The following FAM149A variants were observed in gnomAD, a reference collection of about 807,000 sequenced individuals.
FAM149A encodes protein FAM149A.
Under a neutral mutation model 78.2 loss-of-function variants are expected in FAM149A, and 71 were observed. The observed-to-expected ratio is 0.91, with a 90% CI of 0.75 to 1.11. The LOEUF (loss-of-function observed/expected upper bound fraction) is 1.11, where lower values mean the gene tolerates loss of function less well. FAM149A is among the 50% of genes least tolerant of loss of function. The pLI is 0.00. For synonymous variants in FAM149A, 446 were observed against 410.5 expected, an observed-to-expected ratio of 1.09 and a Z score of -1.04; for missense variants, 1,036 against 971.0, an observed-to-expected ratio of 1.07 and a Z score of -0.89.
At position 186,111,476 on chromosome 4, in the gene FAM149A, A is replaced by T. The variant is rs1186109178; in HGVS notation, c.566+5834A>T. 1.9e-3 allele frequency among the ~76,000 whole-genome samples: 292 copies of T among 150,832 alleles called. 1 individual carries two copies. The highest frequency in any genetic ancestry group is 6.8e-3 in the African/African-American group (274 of 40,186). ...TGGACATGAAGTCCTTGCCCATGCC[A>T]ATGTCCTGAATGGTAATACCTAGGT... On this transcript the variant is annotated intron_variant, in intron 1 of 13. Coordinates refer to ENST00000389354, the MANE Select transcript of FAM149A (RefSeq NM_001367768.3).
chr4:186,106,842 A>G (rs1237672134), intron 1 of FAM149A, among the ~76,000 whole-genome samples: 1 of 152,046 alleles, frequency 6.6e-6, no homozygotes, highest in Non-Finnish European at 1.5e-5. Context: ...AGCTACTCGG[A>G]AGGCTGAGGC....
chr4:186,171,619 T>C (rs962795917), intron 13 of FAM149A, among the ~76,000 whole-genome samples: 1 of 152,122 alleles, frequency 6.6e-6, no homozygotes, highest in Non-Finnish European at 1.5e-5. Flanking sequence ...CAGGAAGTAG[T>C]GCTCCCTCAG....
intron 1 of FAM149A, among the ~76,000 whole-genome samples, chr4:186,137,176 A>G (rs1413277920): frequency 6.6e-6 from 1 of 152,188 alleles, no homozygotes; most frequent in Admixed American, 6.5e-5. Context: ...TTGAAAGCTA[A>G]ACTTTTAAAG....
At chr4:186,135,423 GGT>G (rs1358245550) in intron 1 of FAM149A, among the ~76,000 whole-genome samples, 1 of 152,088 alleles carries the variant, frequency 6.6e-6, no homozygotes, top group Non-Finnish European at 1.5e-5. Flanking sequence ...TGGTAGTCAT[GGT>G]CTGTGAAGTC....
intron 1 of FAM149A, among the ~76,000 whole-genome samples, chr4:186,132,741 A>G (rs2099321235): frequency 6.6e-6 from 1 of 152,184 alleles, no homozygotes; most frequent in African/African-American, 2.4e-5. Flanking sequence ...AGGTGAACAT[A>G]GGCTAGCCAC....
chr4:186,131,145 C>G (rs1230424550), intron 1 of FAM149A, among the ~76,000 whole-genome samples: 1 of 151,962 alleles, frequency 6.6e-6, no homozygotes, highest in African/African-American at 2.4e-5. Context: ...GTCAAGAGTT[C>G]GAGACCAGAC....
chr4:186,117,730 G>C (rs2099314325), intron 1 of FAM149A: 1 of 913,982 alleles, frequency 1.1e-6, no homozygotes, highest in Non-Finnish European at 1.3e-6. Flanking sequence ...TTTAGGTAGA[G>C]AAGTGGCAGG....
intron 8 of FAM149A, among the ~76,000 whole-genome samples, chr4:186,159,499 T>C (rs1734338895): frequency 6.6e-6 from 1 of 152,044 alleles, no homozygotes; most frequent in African/African-American, 2.4e-5. Context: ...AACTGCAGCA[T>C]AGTGGCAAGA....
At chr4:186,157,376 C>A (rs1320361291) in intron 7 of FAM149A, among the ~76,000 whole-genome samples, 189 bp from the exon 8 acceptor site, 1 of 152,242 alleles carries the variant, frequency 6.6e-6, no homozygotes, top group Non-Finnish European at 1.5e-5. Context: ...CTTCTCCAAG[C>A]CCTGCAACCA....
At chr4:186,118,605 A>T (rs1268533559) in intron 1 of FAM149A, among the ~76,000 whole-genome samples, 2 of 152,210 alleles carry the variant, frequency 1.3e-5, no homozygotes, top group African/African-American at 4.8e-5. Context: ...CCTTTAGACC[A>T]CACTCAGCAA....
At chr4:186,155,542 A>C (rs1014765909) in intron 6 of FAM149A, among the ~76,000 whole-genome samples, 1 of 152,240 alleles carries the variant, frequency 6.6e-6, no homozygotes. Context: ...AAATCAAAAA[A>C]TATAATGAGA....
chr4:186,117,541 ACC>A, intron 1 of FAM149A: 1 of 985,450 alleles, frequency 1.0e-6, no homozygotes, highest in Non-Finnish European at 1.2e-6. Context: ...GCACATGGAC[ACC>A]TGGGGCTTGG....
At chr4:186,146,815 CTA>C (rs2126442559) in intron 1 of FAM149A, 3 of 985,310 alleles carry the variant, frequency 3.0e-6, no homozygotes, top group Non-Finnish European at 3.6e-6. Context: ...CGATGTAATC[CTA>C]TGTTTCAGGC....
intron 1 of FAM149A, chr4:186,123,209 A>G (rs913676933): frequency 2.0e-6 from 2 of 985,172 alleles, no homozygotes; most frequent in African/African-American, 3.5e-5. Flanking sequence ...CTGAGTTTTC[A>G]AAGGATGTCC....
intron 7 of FAM149A, among the ~76,000 whole-genome samples, chr4:186,157,264 C>T (rs186146938): frequency 2.5e-4 from 38 of 152,306 alleles, no homozygotes; most frequent in African/African-American, 8.4e-4. Flanking sequence ...TACAATAAGG[C>T]AATAATCACG....
At chr4:186,124,734 G>A (rs867400161) in intron 1 of FAM149A, among the ~76,000 whole-genome samples, 63 of 152,262 alleles carry the variant, frequency 4.1e-4, no homozygotes, top group African/African-American at 1.4e-3. Flanking sequence ...ACGTGTGCAC[G>A]TGTCTTTATA....
chr4:186,142,083 C>T (rs1193756737), intron 1 of FAM149A, among the ~76,000 whole-genome samples: 1 of 152,080 alleles, frequency 6.6e-6, no homozygotes, highest in Non-Finnish European at 1.5e-5. Flanking sequence ...GAGGAAGTCT[C>T]GGTAGAAGCA....
At position 186,166,223 on chromosome 4, in the gene FAM149A, TAGTG is replaced by T. The variant is rs200308063; in HGVS notation, c.2011-742_2011-739del. Among the ~76,000 whole-genome samples, 1,084 of 152,276 alleles carry T rather than the reference TAGTG, an allele frequency of 7.1e-3. 13 individuals are homozygous for T. The highest frequency in any genetic ancestry group is 0.01 in the Middle Eastern group (3 of 294). ...CCCCTGTTGTAGGAACATAAAGACA[TAGTG>T]AGAGAAAAACCCTACCTGGGGCCAG... On this transcript the variant is annotated intron_variant, in intron 11 of 13. Coordinates refer to ENST00000389354, the MANE Select transcript of FAM149A (RefSeq NM_001367768.3).
chr4:186,165,853 G>A (rs1427738529), intron 11 of FAM149A, among the ~76,000 whole-genome samples: 2 of 152,196 alleles, frequency 1.3e-5, no homozygotes, highest in African/African-American at 4.8e-5. Flanking sequence ...CTGAGCCTTA[G>A]TGTTCTCTGT....
Sources: gnomAD v4.1 joint callset for allele counts (sites outside exome capture counted in the v4.1 genomes callset) on GRCh38, gnomAD v4.1.1 for gene constraint, MANE v1.5 for transcripts, NCBI Gene and HGNC (gene_info 2026-07-23, HGNC 2026-07-21) for gene names.